Variants in OXR1 observed in about 807,000 individuals in gnomAD.
The protein encoded by OXR1 is oxidation resistance protein 1.
Under a neutral mutation model 104.6 loss-of-function variants are expected in OXR1, and 41 were observed. That is an observed-to-expected ratio of 0.39 (90% CI 0.31 to 0.51). OXR1 has a LOEUF of 0.51. OXR1 is among the 20% of genes least tolerant of loss of function. The pLI is 0.77. For synonymous variants in OXR1, 348 were observed against 348.4 expected (o/e 1.00, Z 0.01); for missense variants, 955 against 1,031.9 (o/e 0.93, Z 1.02).
intron 1 of OXR1, among the ~76,000 whole-genome samples, chr8:106,300,039 T>C (rs1813164983): frequency 1.3e-5 from 2 of 152,156 alleles, no homozygotes; most frequent in South Asian, 4.1e-4. Flanking sequence ...AGCATATAAA[T>C]GTAAAGCATG....
intron 2 of OXR1, among the ~76,000 whole-genome samples, chr8:106,363,391 A>T (rs920977749): frequency 6.6e-6 from 1 of 152,232 alleles, no homozygotes; most frequent in East Asian, 1.9e-4. Flanking sequence ...CAGAAATACA[A>T]ATACACCTCT....
intron 8 of OXR1, among the ~76,000 whole-genome samples, chr8:106,705,613 CCAT>C (rs1356220488): frequency 3.3e-5 from 5 of 152,072 alleles, no homozygotes; most frequent in South Asian, 2.1e-4. Context: ...CTTCTTGTAA[CCAT>C]CATTTTAAAT....
At chr8:106,384,151 A>T (rs1817271196) in intron 2 of OXR1, among the ~76,000 whole-genome samples, 1 of 152,192 alleles carries the variant, frequency 6.6e-6, no homozygotes, top group African/African-American at 2.4e-5. Context: ...TAAAAATAGA[A>T]CTGCATCTCA....
intron 15 of OXR1, 117 bp from the exon 16 acceptor site, chr8:106,745,672 G>A: frequency 1.9e-6 from 1 of 524,776 alleles, no homozygotes. Context: ...TTTTTGTGGT[G>A]TTCTTATTCT....
chr8:106,273,299 G>A (rs1811894440), intron 1 of OXR1, among the ~76,000 whole-genome samples: 1 of 152,112 alleles, frequency 6.6e-6, no homozygotes, highest in Non-Finnish European at 1.5e-5. Context: ...GGCTTGAGGA[G>A]GCAGAATGAG....
At chr8:106,492,824 A>G (rs1271890786) in intron 2 of OXR1, among the ~76,000 whole-genome samples, 3 of 152,170 alleles carry the variant, frequency 2.0e-5, no homozygotes, top group African/African-American at 7.2e-5. Flanking sequence ...TGCTTACCAA[A>G]TTGTGTTAAG....
In OXR1 at chr8:106,330,637, G is replaced by A. The variant is rs143470378; in HGVS notation, c.-138-28839G>A. On this transcript the variant is annotated intron_variant, in intron 1 of 16. Coordinates refer to ENST00000517566, the MANE Select transcript of OXR1 (RefSeq NM_001198533.2). ...GGGGTTTATTACTGCTGGATGTTAA[G>A]AACTTCTTCTAGATTATGACTTGTC... Among the ~76,000 whole-genome samples, 824 of 152,304 alleles carry A rather than the reference G, an allele frequency of 5.4e-3. 6 individuals are homozygous for A. Among genetic ancestry groups the A allele is most frequent in the Admixed American group, 0.013 (199 of 15,306 alleles).
chr8:106,685,686 T>G (rs555004641), intron 6 of OXR1, among the ~76,000 whole-genome samples: 1 of 149,060 alleles, frequency 6.7e-6, no homozygotes, highest in South Asian at 2.1e-4. Context: ...TCTTTGTCCC[T>G]GGGATAGATT....
At chr8:106,738,671 AG>A (rs1210986307) in intron 12 of OXR1, among the ~76,000 whole-genome samples, 2 of 151,472 alleles carry the variant, frequency 1.3e-5, no homozygotes, top group African/African-American at 4.8e-5. Context: ...AAGCACCAAT[AG>A]AATATATTGT....
chr8:106,334,850 T>G (rs1814890931), intron 1 of OXR1, among the ~76,000 whole-genome samples: 2 of 152,218 alleles, frequency 1.3e-5, no homozygotes. Context: ...AATGCATATT[T>G]GATCGTATCA....
At chr8:106,496,451 T>G (rs1258893203) in intron 2 of OXR1, among the ~76,000 whole-genome samples, 1 of 152,222 alleles carries the variant, frequency 6.6e-6, no homozygotes, top group Non-Finnish European at 1.5e-5. Context: ...TGATCTTCAT[T>G]TTCATCACAG....
intron 11 of OXR1, among the ~76,000 whole-genome samples, chr8:106,717,946 A>G (rs1832429961): frequency 6.6e-6 from 1 of 152,336 alleles, no homozygotes; most frequent in South Asian, 2.1e-4. Flanking sequence ...AAAGGGCAAT[A>G]CTTTACATTT....
chr8:106,681,828 G>A (rs1346933632), intron 4 of OXR1, among the ~76,000 whole-genome samples: 1 of 152,078 alleles, frequency 6.6e-6, no homozygotes, highest in Non-Finnish European at 1.5e-5. Context: ...TCTGACCTCT[G>A]AATGCCTCTT....
At chr8:106,397,621 A>G (rs1157322913) in intron 2 of OXR1, among the ~76,000 whole-genome samples, 3 of 152,070 alleles carry the variant, frequency 2.0e-5, no homozygotes, top group Non-Finnish European at 4.4e-5. Flanking sequence ...TTGGGGATTT[A>G]AATCTACAGA....
intron 1 of OXR1, among the ~76,000 whole-genome samples, chr8:106,337,422 T>C (rs1815010425): frequency 6.6e-6 from 1 of 152,234 alleles, no homozygotes; most frequent in Admixed American, 6.5e-5. Flanking sequence ...CACATTAGAC[T>C]GATGATCTAA....
chr8:106,736,319 TC>T (rs1031321323), intron 11 of OXR1, among the ~76,000 whole-genome samples: 14 of 152,218 alleles, frequency 9.2e-5, no homozygotes, highest in African/African-American at 1.4e-4. Flanking sequence ...TTTCCTTTTT[TC>T]TATTCTCATG....
intron 3 of OXR1, among the ~76,000 whole-genome samples, chr8:106,639,888 C>A (rs1823484471): frequency 6.6e-6 from 1 of 152,118 alleles, no homozygotes; most frequent in Non-Finnish European, 1.5e-5. Context: ...GGTTTCCATT[C>A]TCAGAGACAG....
At chr8:106,344,164 T>TAAC (rs1815378526) in intron 1 of OXR1, among the ~76,000 whole-genome samples, 1 of 152,196 alleles carries the variant, frequency 6.6e-6, no homozygotes, top group Non-Finnish European at 1.5e-5. Flanking sequence ...TGGGTGGGGT[T>TAAC]CCCTGGTTTT....
rs1194206988 is a variant in OXR1, at chr8:106,652,794, GAAATAGAAAAACATTAGAGA to G, written c.221-26413_221-26394del. On this transcript the variant is annotated intron_variant, in intron 3 of 16. Coordinates refer to ENST00000517566, the MANE Select transcript of OXR1 (RefSeq NM_001198533.2). Reference sequence around the variant, plus strand: ...ATTAGCATGGATATTAATGGAATAGGAAATAGAAAAACATTAGAGAAACCTCATTAATGAAACCTCAAGTT... The same window carrying G: ...ATTAGCATGGATATTAATGGAATAGGAACCTCATTAATGAAACCTCAAGTT... 8.6e-5 allele frequency among the ~76,000 whole-genome samples: 13 copies of G among 151,788 alleles called. No homozygotes were observed. The East Asian group carries it at 2.5e-3, about 29-fold the overall frequency.
Sources: allele counts gnomAD v4.1 joint callset (sites outside exome capture counted in the v4.1 genomes callset), GRCh38; gene constraint gnomAD v4.1.1; transcripts MANE v1.5; gene names NCBI Gene and HGNC (gene_info 2026-07-23, HGNC 2026-07-21).